The following DDX60L variants were observed in gnomAD, a reference collection of about 807,000 sequenced individuals.
DDX60L encodes the protein probable ATP-dependent RNA helicase DDX60-like.
In DDX60L, 191 loss-of-function variants were observed where a neutral mutation model predicts 211.6. That is an observed-to-expected ratio of 0.90 (90% CI 0.80 to 1.02). The LOEUF is 1.02. DDX60L is among the 50% of genes least tolerant of loss of function. The pLI is 0.00. For missense variants in DDX60L, 2,007 were observed against 1,984.1 expected (o/e 1.01, Z -0.22); for synonymous variants, 706 against 694.1 (o/e 1.02, Z -0.27).
intron 4 of DDX60L, among the ~76,000 whole-genome samples, chr4:168,462,565 C>A (rs1013243294): frequency 1.7e-4 from 26 of 152,264 alleles, no homozygotes; most frequent in African/African-American, 6.0e-4. Flanking sequence ...ATAATCCCAG[C>A]AGTTTAGGAG....
At chr4:168,377,248 C>T (rs866053003) in intron 33 of DDX60L, among the ~76,000 whole-genome samples, 2 of 151,738 alleles carry the variant, frequency 1.3e-5, no homozygotes, top group Admixed American at 6.6e-5. Context: ...GCTGAGATTG[C>T]GCCACTGCAC....
At chr4:168,415,927 C>T (rs1423199187) in intron 20 of DDX60L, 128 bp from the exon 21 acceptor site, 1 of 812,942 alleles carries the variant, frequency 1.2e-6, no homozygotes, top group Non-Finnish European at 1.8e-6. Flanking sequence ...TTTAAACCAC[C>T]TGAGTTGACT....
chr4:168,391,342 A>G (rs977687340), intron 29 of DDX60L, among the ~76,000 whole-genome samples, 198 bp downstream of exon 29: 7 of 152,250 alleles, frequency 4.6e-5, no homozygotes, highest in South Asian at 2.1e-4. Flanking sequence ...AACCCTAACT[A>G]TGAAAAAGTA....
intron 1 of DDX60L, among the ~76,000 whole-genome samples, chr4:168,477,256 A>C (rs531685419): frequency 6.6e-6 from 1 of 152,104 alleles, no homozygotes; most frequent in Non-Finnish European, 1.5e-5. Context: ...TCTACTAAAA[A>C]TACAAAAAAT....
chr4:168,416,963 T>C (rs1261895090), intron 19 of DDX60L, among the ~76,000 whole-genome samples, 166 bp from the exon 20 acceptor site: 1 of 152,162 alleles, frequency 6.6e-6, no homozygotes, highest in Non-Finnish European at 1.5e-5. Flanking sequence ...CACTTAACTG[T>C]CTCCAATCTC....
chr4:168,397,091 CAG>C (rs1745933291), intron 26 of DDX60L, among the ~76,000 whole-genome samples: 1 of 152,162 alleles, frequency 6.6e-6, no homozygotes, highest in Non-Finnish European at 1.5e-5. Context: ...AGTAAGGACA[CAG>C]AGAAGACAGC....
At chr4:168,439,989 T>A (rs1178630237) in intron 10 of DDX60L, among the ~76,000 whole-genome samples, 1 of 152,124 alleles carries the variant, frequency 6.6e-6, no homozygotes, top group East Asian at 1.9e-4. Flanking sequence ...CAATAACAGA[T>A]GAAAAGTCCA....
At chr4:168,404,750 A>G (rs1163958119) in intron 24 of DDX60L, among the ~76,000 whole-genome samples, 1 of 152,176 alleles carries the variant, frequency 6.6e-6, no homozygotes. Context: ...TTTTAATCAG[A>G]AAAAATAAAT....
intron 34 of DDX60L, 83 bp downstream of exon 34, chr4:168,375,294 G>A: frequency 1.4e-6 from 2 of 1,431,726 alleles, no homozygotes; most frequent in Non-Finnish European, 1.9e-6. Flanking sequence ...TACCAGCTTT[G>A]AAGCATCCAA....
rs200084969 is a variant in DDX60L, at chr4:168,384,665, G to A, written c.4063C>T (p.Arg1355Ter). Reference protein sequence around the residue: ...QFPLSITLVLRLMLLASKGDD... With the variant: ...QFPLSITLVL ...CCCTTGGAAGCCAGCAGCATGAGTC[G>A]CAGGACCAGGGTTATGCTGAGAGGG... is the stretch of plus-strand genomic sequence containing the variant. Residue 1355 changes from arginine (R) to a stop codon, truncating the protein, a stop_gained, in exon 30 of 38, where the codon CGA (arginine) becomes TGA (stop). Transcript: ENST00000682922. LOFTEE classifies it high-confidence loss of function. 7.1e-4 allele frequency: 1,147 copies of A among 1,613,966 alleles called. 2 individuals carry two copies. Among genetic ancestry groups the A allele is most frequent in the African/African-American group, 4.8e-3 (363 of 75,008 alleles).
chr4:168,477,015 T>C (rs1759600285), intron 1 of DDX60L, among the ~76,000 whole-genome samples: 1 of 152,214 alleles, frequency 6.6e-6, no homozygotes, highest in Non-Finnish European at 1.5e-5. Flanking sequence ...TTTGAACTCT[T>C]AGAAGGACAA....
At position 168,454,293 on chromosome 4, in the gene DDX60L, T is replaced by C. The variant is rs965884297; in HGVS notation, c.838-1011A>G. The stretch of plus-strand genomic sequence containing the variant: ...CATAGCTAAGATCTACTGTACTACA[T>C]ACTAAATTAAAATATTGGAGTGCTC... On this transcript the variant is annotated intron_variant, in intron 7 of 37. Coordinates refer to ENST00000682922, the MANE Select transcript of DDX60L (RefSeq NM_001012967.3). Among the ~76,000 whole-genome samples, 4 of 152,188 alleles carry C rather than the reference T, an allele frequency of 2.6e-5. No individual in the cohort carries two copies. The South Asian group carries it at 8.3e-4, about 31-fold the overall frequency.
chr4:168,423,789 A>C lies in DDX60L; in HGVS notation c.1931-15T>G. The stretch of plus-strand genomic sequence containing the variant: ...CGAAATTTTGCCTTGTTAAAGAAAC[A>C]ATAAAATTGTTATAAAGAACACCAA... On this transcript the variant is annotated splice_polypyrimidine_tract_variant and intron_variant, in intron 14 of 37. Coordinates refer to ENST00000682922, the MANE Select transcript of DDX60L (RefSeq NM_001012967.3). 1.3e-6 allele frequency: 2 copies of C among 1,524,994 alleles called. No homozygotes were observed. Among genetic ancestry groups the C allele is most frequent in the African/African-American group, 2.8e-5 (2 of 71,076 alleles). The allele number at this position is 1,524,994 out of a possible 1,614,324, so 94.5% of individuals were successfully genotyped here.
chr4:168,371,907 C>T (rs992297929), intron 35 of DDX60L, 144 bp from the exon 36 acceptor site: 2 of 739,530 alleles, frequency 2.7e-6, no homozygotes, highest in Non-Finnish European at 4.3e-6. Context: ...GGGGGATTCC[C>T]ATGGGGGTTG....
In DDX60L at chr4:168,374,765, G is replaced by A. The variant is rs369640348; in HGVS notation, c.4633+612C>T. Among the ~76,000 whole-genome samples, 14 of 152,274 alleles carry A rather than the reference G, an allele frequency of 9.2e-5. No homozygotes were observed. In the South Asian group the frequency reaches 1.9e-3, roughly 20 times the overall value. On this transcript the variant is annotated intron_variant, in intron 34 of 37. Transcript: ENST00000682922. ...CATGTTGGGTAGAATAGACTTACGC[G>A]ATGTTGACTATGTGCTATGCACTGT...
rs28625597 is a variant in DDX60L at position 168,461,639 on chromosome 4, A to G, written c.606+60T>C. 93 of 1,151,486 alleles carry G rather than the reference A, an allele frequency of 8.1e-5. 1 individual carries two copies. In the African/African-American group the frequency reaches 1.4e-3, roughly 17 times the overall value. 71.3% of individuals were successfully genotyped at this position (1,151,486 alleles called of 1,614,324 possible). A position where few individuals can be genotyped will look rare whatever the true frequency, so the allele number is the denominator to read the frequency against. On this transcript the variant is annotated intron_variant, in intron 5 of 37. Coordinates refer to ENST00000682922, the MANE Select transcript of DDX60L (RefSeq NM_001012967.3). ...AAAAATACAGAAAGAATATTGAGTT[A>G]GTGATTTTGAGAATTAAAACAAGAA...
chr4:168,475,951 A>G (rs1759427281), intron 1 of DDX60L: 1 of 148,328 alleles, frequency 6.7e-6, no homozygotes, highest in South Asian at 2.1e-4. Flanking sequence ...CTCTCAGAAC[A>G]CAGCAACAAG....
chr4:168,436,311 C>T (rs1184625897), intron 10 of DDX60L, among the ~76,000 whole-genome samples: 1 of 152,238 alleles, frequency 6.6e-6, no homozygotes, highest in Non-Finnish European at 1.5e-5. Context: ...ACCTTCCCTG[C>T]ATGCAATGCT....
intron 20 of DDX60L, 24 bp downstream of exon 20, chr4:168,416,658 A>T: frequency 6.9e-7 from 1 of 1,447,638 alleles, no homozygotes; most frequent in Non-Finnish European, 9.5e-7. Context: ...ATATATAACA[A>T]CCACTCTTTT....
Sources: gnomAD v4.1 joint callset for allele counts (sites outside exome capture counted in the v4.1 genomes callset) on GRCh38, gnomAD v4.1.1 for gene constraint, MANE v1.5 for transcripts, NCBI Gene and HGNC (gene_info 2026-07-23, HGNC 2026-07-21) for gene names.